ZC3H12C: variants seen among roughly 807,000 people sequenced by gnomAD.
The protein encoded by ZC3H12C is zinc finger CCCH-type containing 12C.
Under a neutral mutation model 76.3 loss-of-function variants are expected in ZC3H12C, and 20 were observed. The observed-to-expected ratio is 0.26, with a 90% CI of 0.18 to 0.38. ZC3H12C has a LOEUF of 0.38. Among genes scored for constraint, ZC3H12C ranks in the 10% least tolerant of loss-of-function variants. The pLI is 1.00. For missense variants in ZC3H12C, 874 were observed against 1,086.5 expected (o/e 0.80, Z 2.75); for synonymous variants, 352 against 399.6 (o/e 0.88, Z 1.42).
At chr11:110,105,168 AG>A (rs1253472014) in intron 1 of ZC3H12C, among the ~76,000 whole-genome samples, 1 of 152,160 alleles carries the variant, frequency 6.6e-6, no homozygotes, top group East Asian at 1.9e-4. Context: ...ATGCACTCAC[AG>A]GGAACAGTTT....
chr11:110,103,760 C>T (rs1294398836), intron 1 of ZC3H12C, among the ~76,000 whole-genome samples: 1 of 152,102 alleles, frequency 6.6e-6, no homozygotes, highest in Non-Finnish European at 1.5e-5. Flanking sequence ...CGCCCGCCAC[C>T]ACACCCAGCT....
chr11:110,096,722 T>A (rs543402055), intron 1 of ZC3H12C, among the ~76,000 whole-genome samples: 1 of 152,334 alleles, frequency 6.6e-6, no homozygotes, highest in South Asian at 2.1e-4. Context: ...ATTTGAAAAT[T>A]AAGTGATGCA....
intron 2 of ZC3H12C, 103 bp from the exon 3 acceptor site, chr11:110,152,814 CTT>C: frequency 7.7e-7 from 1 of 1,292,624 alleles, no homozygotes; most frequent in Non-Finnish European, 1.1e-6. Flanking sequence ...TCTGACGTCT[CTT>C]ATTACTGTTG....
intron 1 of ZC3H12C, among the ~76,000 whole-genome samples, chr11:110,126,474 C>T (rs1861750644): frequency 6.6e-6 from 1 of 152,108 alleles, no homozygotes. Flanking sequence ...CCTGCCTCAG[C>T]CTCCTAAAGT....
In ZC3H12C at chr11:110,131,922, G is replaced by A. The variant is rs117605406; in HGVS notation, c.22-4741G>A. 5.1e-4 allele frequency among the ~76,000 whole-genome samples: 78 copies of A among 152,316 alleles called. 3 individuals carry two copies. The East Asian group carries it at 0.011, about 22-fold the overall frequency. ...TTGCTGGTCTCCTGCAGTTCCAGTA[G>A]ACATCTGTTGCCCCAGAGCATTAAC... On this transcript the variant is annotated intron_variant, in intron 1 of 5. Coordinates refer to ENST00000278590, the MANE Select transcript of ZC3H12C (RefSeq NM_033390.2).
chr11:110,121,964 C>T (rs1441540685), intron 1 of ZC3H12C, among the ~76,000 whole-genome samples: 1 of 152,134 alleles, frequency 6.6e-6, no homozygotes, highest in Non-Finnish European at 1.5e-5. Flanking sequence ...AAACACATAA[C>T]TCTGTTTTAA....
chr11:110,117,044 G>A (rs988814025), intron 1 of ZC3H12C, among the ~76,000 whole-genome samples: 1 of 152,194 alleles, frequency 6.6e-6, no homozygotes, highest in African/African-American at 2.4e-5. Flanking sequence ...TCCCTTTATA[G>A]GAACAAGTGG....
chr11:110,165,775 T>C lies in ZC3H12C; in HGVS notation c.*38T>C, dbSNP rs1565271866. ...CTTTGTGGTGTTTAGTAGTTTTTTG[T>C]TCAGCTCAAATGCTGAGGGAGGTTT... On this transcript the variant is annotated 3_prime_UTR_variant, in exon 6 of 6. Coordinates refer to ENST00000278590, the MANE Select transcript of ZC3H12C (RefSeq NM_033390.2). The C allele has an allele frequency of 6.5e-7, 1 of 1,527,316 alleles. No individual in the cohort carries two copies. The highest frequency in any genetic ancestry group is 8.8e-7 in the Non-Finnish European group (1 of 1,135,732). 94.6% of individuals were successfully genotyped at this position (1,527,316 alleles called of 1,614,324 possible). A position where few individuals can be genotyped will look rare whatever the true frequency, so the allele number is the denominator to read the frequency against.
At chr11:110,137,645 T>C (rs1188110852) in intron 2 of ZC3H12C, among the ~76,000 whole-genome samples, 3 of 152,180 alleles carry the variant, frequency 2.0e-5, no homozygotes, top group Non-Finnish European at 4.4e-5. Context: ...ATGTCTCTTT[T>C]TGTCCTCATC....
intron 1 of ZC3H12C, among the ~76,000 whole-genome samples, chr11:110,110,947 C>T (rs919355091): frequency 2.0e-5 from 3 of 152,172 alleles, no homozygotes; most frequent in African/African-American, 7.2e-5. Context: ...AAAAACTTCA[C>T]AAAATTAATT....
At chr11:110,144,849 C>T (rs1005329097) in intron 2 of ZC3H12C, among the ~76,000 whole-genome samples, 9 of 152,000 alleles carry the variant, frequency 5.9e-5, no homozygotes, top group Non-Finnish European at 8.8e-5. Flanking sequence ...TTAGGTTTTT[C>T]CATGTTTTTC....
intron 1 of ZC3H12C, among the ~76,000 whole-genome samples, chr11:110,093,654 G>A (rs762352908): frequency 1.3e-5 from 2 of 151,930 alleles, no homozygotes; most frequent in African/African-American, 2.4e-5. Flanking sequence ...AAAGCCCAGC[G>A]CATCCTCCCC....
In ZC3H12C at chr11:110,165,640, A is replaced by C. The variant is rs61756697; in HGVS notation, c.2555A>C (p.Asp852Ala). The part of the protein sequence containing the change: ...YINLCNIFPP[D>A]LVRIVMKRNP... ...AATTTGTGCAACATCTTCCCCCCTG[A>C]CCTTGTGAGAATTGTCATGAAAAGG... The change falls in exon 6 of 6, where the codon GAC becomes GCC. Residue 852 changes from aspartate (D) to alanine (A), a missense_variant. Coordinates refer to ENST00000278590, the MANE Select transcript of ZC3H12C (RefSeq NM_033390.2). 36,083 of 1,598,628 alleles carry C rather than the reference A, an allele frequency of 0.023. 474 individuals carry two copies. The highest frequency in any genetic ancestry group is 0.028 in the Middle Eastern group (170 of 6,050).
At position 110,103,202 on chromosome 11, in the gene ZC3H12C, G is replaced by A. The variant is rs1021386839; in HGVS notation, c.21+9770G>A. Among the ~76,000 whole-genome samples, 19 of 152,280 alleles carry A rather than the reference G, an allele frequency of 1.2e-4. No individual in the cohort carries two copies. In the South Asian group the frequency reaches 1.9e-3, roughly 15 times the overall value. On this transcript the variant is annotated intron_variant, in intron 1 of 5. Coordinates refer to ENST00000278590, the MANE Select transcript of ZC3H12C (RefSeq NM_033390.2). ...ACATTTAAAATTTAACTTGGAATGC[G>A]TTGTGTGATTTCTTGAGGGGCAATA...
intron 1 of ZC3H12C, among the ~76,000 whole-genome samples, chr11:110,102,348 A>G (rs527264657): frequency 6.6e-6 from 1 of 151,408 alleles, no homozygotes; most frequent in African/African-American, 2.4e-5. Context: ...TCTAACCCTC[A>G]TGGATGACTT....
At chr11:110,137,445 T>C in intron 2 of ZC3H12C, 31 bp downstream of exon 2, 5 of 1,547,080 alleles carry the variant, frequency 3.2e-6, no homozygotes, top group Non-Finnish European at 4.3e-6. Context: ...TGAAAATTAC[T>C]ACCAAATAAT....
intron 1 of ZC3H12C, among the ~76,000 whole-genome samples, chr11:110,110,609 G>A (rs76906110): frequency 0.011 from 1,623 of 152,248 alleles, 25 homozygotes; most frequent in African/African-American, 0.031. Context: ...GGAGAAGGGT[G>A]GCAATTCTAG....
rs1415496360 is a variant in ZC3H12C, at chr11:110,170,116, T to C, written c.*4379T>C. The C allele has an allele frequency of 6.6e-6, 1 of 152,222 alleles. No homozygotes were observed. The highest frequency in any genetic ancestry group is 1.5e-5 in the Non-Finnish European group (1 of 68,016). The allele number at this position is 152,222 out of a possible 1,614,324, so 9.4% of individuals were successfully genotyped here. A position where few individuals can be genotyped will look rare whatever the true frequency, so the allele number is the denominator to read the frequency against. ...CCTTCAAAAGAGGATTGTTAGACAT[T>C]GATGTTAAAGCATCTTAATTCATTT... On this transcript the variant is annotated 3_prime_UTR_variant, in exon 6 of 6. Coordinates refer to ENST00000278590, the MANE Select transcript of ZC3H12C (RefSeq NM_033390.2).
chr11:110,122,002 G>A (rs583763), intron 1 of ZC3H12C, among the ~76,000 whole-genome samples: 107,806 of 152,094 alleles, frequency 0.71, 38,511 homozygotes, highest in East Asian at 0.89. Flanking sequence ...TTTGTAGTCT[G>A]TCTGTCCATT....
Sources: allele counts gnomAD v4.1 joint callset (sites outside exome capture counted in the v4.1 genomes callset), GRCh38; gene constraint gnomAD v4.1.1; transcripts MANE v1.5; gene names NCBI Gene and HGNC (gene_info 2026-07-23, HGNC 2026-07-21).